The following TPO variants were observed in gnomAD, a reference collection of about 807,000 sequenced individuals.
TPO encodes thyroid microsomal antigen.
Under a neutral mutation model 96.9 loss-of-function variants are expected in TPO, and 78 were observed. That is an observed-to-expected ratio of 0.81 (90% CI 0.67 to 0.97). The LOEUF (loss-of-function observed/expected upper bound fraction) is 0.97. TPO is among the 50% of genes least tolerant of loss of function. TPO has a pLI of 0.00. For synonymous variants in TPO, 547 were observed against 538.0 expected, an observed-to-expected ratio of 1.02 and a Z score of -0.23; for missense variants, 1,252 against 1,274.8, an observed-to-expected ratio of 0.98 and a Z score of 0.27.
chr2:1,416,591 C>T (rs375863143), intron 2 of TPO, among the ~76,000 whole-genome samples: 15 of 152,352 alleles, frequency 9.8e-5, no homozygotes, highest in African/African-American at 2.9e-4. Context: ...TGACACATCA[C>T]GAGTGCACAG....
chr2:1,496,782 A>C lies in TPO; in HGVS notation c.2386+17A>C. On this transcript the variant is annotated intron_variant, in intron 13 of 16. Transcript: ENST00000329066. ...TCTGCAAAGGTCAGTCCTTTCTTCA[A>C]TGACAATTACAAAACATCTGAATGT... 1 of 1,614,110 alleles carries C rather than the reference A, an allele frequency of 6.2e-7. No individual in the cohort carries two copies. Among genetic ancestry groups the C allele is most frequent in the Non-Finnish European group, 8.5e-7 (1 of 1,180,018 alleles).
Position 1,423,152 on chromosome 2 carries a change from C to T in TPO, c.179+23C>T, listed in dbSNP as rs369254764. 8 of 1,610,426 alleles carry T rather than the reference C, an allele frequency of 5.0e-6. No individual in the cohort carries two copies. The East Asian group carries it at 8.9e-5, about 18-fold the overall frequency. On this transcript the variant is annotated intron_variant, in intron 3 of 16. Coordinates refer to ENST00000329066, the MANE Select transcript of TPO (RefSeq NM_001206744.2). The stretch of plus-strand genomic sequence containing the variant: ...GAGGTGAGCCTTGCGGAGGGGCCGC[C>T]GCCCCAAATGCCACCGACAGGCGCA...
chr2:1,484,309 G>A (rs1011269458), intron 8 of TPO, among the ~76,000 whole-genome samples: 2 of 152,210 alleles, frequency 1.3e-5, no homozygotes, highest in South Asian at 2.1e-4. Flanking sequence ...AGCCTGGCCC[G>A]GTGGCCATTG....
chr2:1,476,783 G>A (rs1158835618), intron 7 of TPO, among the ~76,000 whole-genome samples: 1 of 152,092 alleles, frequency 6.6e-6, no homozygotes, highest in African/African-American at 2.4e-5. Context: ...AGGCTGAGGG[G>A]AGGTGCGGGG....
intron 1 of TPO, among the ~76,000 whole-genome samples, chr2:1,382,520 G>A (rs1011167535): frequency 3.9e-5 from 6 of 151,976 alleles, no homozygotes; most frequent in Non-Finnish European, 8.8e-5. Context: ...ACTGCCCAAT[G>A]GAAAACTAAA....
At chr2:1,461,577 C>T (rs1668434680) in intron 7 of TPO, among the ~76,000 whole-genome samples, 1 of 152,074 alleles carries the variant, frequency 6.6e-6, no homozygotes, top group African/African-American at 2.4e-5. Context: ...GCCCCAGGGC[C>T]CCCTGCCCCA....
At chr2:1,447,725 A>G (rs969913522) in intron 5 of TPO, among the ~76,000 whole-genome samples, 9 of 152,134 alleles carry the variant, frequency 5.9e-5, no homozygotes, top group Non-Finnish European at 1.0e-4. Flanking sequence ...GTGTGTGTGT[A>G]TGTATGTATA....
chr2:1,476,004 T>G (rs1208654228), intron 7 of TPO, among the ~76,000 whole-genome samples: 1 of 152,222 alleles, frequency 6.6e-6, no homozygotes, highest in Non-Finnish European at 1.5e-5. Context: ...CCTGTCTCCC[T>G]GCACCGCACG....
At chr2:1,522,371 G>A (rs368175728) in intron 15 of TPO, among the ~76,000 whole-genome samples, 4 of 105,524 alleles carry the variant, frequency 3.8e-5, no homozygotes, top group East Asian at 2.8e-4. Flanking sequence ...ACACCGGCCC[G>A]CCACCGTGCC....
Position 1,377,369 on chromosome 2 carries a change from C to T in TPO, n.180+2967C>T, listed in dbSNP as rs969343271. 1.2e-3 allele frequency among the ~76,000 whole-genome samples: 189 copies of T among 152,154 alleles called. 7 individuals carry two copies. The highest frequency in any genetic ancestry group is 4.4e-5 in the Non-Finnish European group (3 of 68,034). ...GGGAGCCATGGCCCTTTTGTGATTG[C>T]TGTCACAGTTTTATGAAAGGCATTT... On this transcript the variant is annotated intron_variant and non_coding_transcript_variant, in intron 1 of 5. Coordinates refer to the TPO transcript ENST00000497517.
At chr2:1,531,163 TCCC>T (rs1274086133) in intron 15 of TPO, among the ~76,000 whole-genome samples, 1 of 18,146 alleles carries the variant, frequency 5.5e-5, no homozygotes, top group African/African-American at 2.7e-4. Context: ...CCTCCCCAAA[TCCC>T]CCCCACTGTG....
intron 10 of TPO, among the ~76,000 whole-genome samples, chr2:1,490,091 C>T (rs1394382810): frequency 1.4e-5 from 1 of 71,160 alleles, no homozygotes; most frequent in Admixed American, 1.5e-4. Context: ...GGGGGAGTCA[C>T]GACACAGCAG....
At chr2:1,444,023 G>A (rs1666495453) in intron 5 of TPO, among the ~76,000 whole-genome samples, 1 of 143,576 alleles carries the variant, frequency 7.0e-6, no homozygotes, top group Admixed American at 6.9e-5. Context: ...GCACCATGTT[G>A]GAAGGGAATG....
At chr2:1,527,738 TCTCCCACTCTGGGCAACCTCCCCAAATCC>T (rs1676921628) in intron 15 of TPO, among the ~76,000 whole-genome samples, 1 of 100,676 alleles carries the variant, frequency 9.9e-6, no homozygotes, top group East Asian at 4.0e-4. Flanking sequence ...TCACCAAATT[TCTCCCACTCTGGGCAACCTCCCCAAATCC>T]CCCCCACTCT....
rs1244849965 is a variant in TPO, at chr2:1,535,684, C to T, written c.2619-4910C>T. 6.2e-5 allele frequency among the ~76,000 whole-genome samples: 6 copies of T among 97,338 alleles called. 1 individual carries two copies. The highest frequency in any genetic ancestry group is 3.9e-4 in the East Asian group (1 of 2,542). The allele number at this position is 97,338 out of a possible 152,430, so 63.9% of individuals were successfully genotyped here. A position where few individuals can be genotyped will look rare whatever the true frequency, so the allele number is the denominator to read the frequency against. On this transcript the variant is annotated intron_variant, in intron 15 of 16. Coordinates refer to ENST00000329066, the MANE Select transcript of TPO (RefSeq NM_001206744.2). ...AATCCCCCCACTCTGTGCAACCTCCCCACATGCCCCCAGTGTGTGCAACCT... is the reference window on the plus strand; with the variant it reads ...AATCCCCCCACTCTGTGCAACCTCCTCACATGCCCCCAGTGTGTGCAACCT...
At chr2:1,452,553 C>G (rs977734179) in intron 5 of TPO, among the ~76,000 whole-genome samples, 9 of 152,202 alleles carry the variant, frequency 5.9e-5, no homozygotes, top group Non-Finnish European at 1.3e-4. Flanking sequence ...TGGAAGGTGC[C>G]TAGAAACCTG....
chr2:1,425,918 C>T (rs1166727313), intron 3 of TPO, among the ~76,000 whole-genome samples: 1 of 147,276 alleles, frequency 6.8e-6, no homozygotes, highest in Non-Finnish European at 1.5e-5. Context: ...GTTCTAGATG[C>T]CGGGATACAG....
chr2:1,425,997 C>T (rs562090162), intron 3 of TPO, among the ~76,000 whole-genome samples: 2 of 146,654 alleles, frequency 1.4e-5, no homozygotes, highest in Admixed American at 6.7e-5. Context: ...TTCTAGATGC[C>T]AGGATACAGA....
In TPO at chr2:1,456,157, G is replaced by A. The variant is rs1009675585; in HGVS notation, c.694G>A (p.Ala232Thr). ...TGACCGCTATTCTGACCTCCTGATG[G>A]CATGGGGACAATACATCGACCACGA... ...DDDRYSDLLMAWGQYIDHDIA... is the reference protein window; with the variant it reads ...DDDRYSDLLMTWGQYIDHDIA... The change falls in exon 7 of 17, where the codon GCA becomes ACA. Residue 232 changes from alanine to threonine, a missense_variant. Ala to Thr is a moderately conservative substitution (Grantham distance 58). Transcript: ENST00000329066. 6.2e-7 allele frequency: 1 copy of A among 1,614,046 alleles called. No individual in the cohort carries two copies. Among genetic ancestry groups the A allele is most frequent in the Non-Finnish European group, 8.5e-7 (1 of 1,180,032 alleles).
Sources: allele counts gnomAD v4.1 joint callset (sites outside exome capture counted in the v4.1 genomes callset), GRCh38; gene constraint gnomAD v4.1.1; transcripts MANE v1.5; gene names NCBI Gene and HGNC (gene_info 2026-07-23, HGNC 2026-07-21).